The following PCDH9 variants were observed in gnomAD, a reference collection of about 807,000 sequenced individuals.
The protein encoded by PCDH9 is protocadherin-9.
Under a neutral mutation model 70.6 loss-of-function variants are expected in PCDH9, and 24 were observed. The observed-to-expected ratio is 0.34, with a 90% CI of 0.25 to 0.48. PCDH9 has a LOEUF of 0.48. Ranked by LOEUF, PCDH9 falls within the 20% of genes least tolerant of loss-of-function variation. The probability of loss-of-function intolerance (pLI) is 0.99; values close to 1 mark genes in which losing one functional copy is unlikely to be tolerated. For missense variants in PCDH9, 1,281 were observed against 1,503.6 expected (o/e 0.85, Z 2.45); for synonymous variants, 562 against 558.5 (o/e 1.01, Z -0.09).
At chr13:66,488,061 G>A (rs868239207) in intron 4 of PCDH9, among the ~76,000 whole-genome samples, 1 of 152,086 alleles carries the variant, frequency 6.6e-6, no homozygotes. Flanking sequence ...GTTTTCCCTG[G>A]CTTTGTTTTC....
chr13:66,447,985 TG>T (rs1235409555), intron 4 of PCDH9, among the ~76,000 whole-genome samples: 1 of 152,190 alleles, frequency 6.6e-6, no homozygotes, highest in Non-Finnish European at 1.5e-5. Flanking sequence ...TGAACCTCAC[TG>T]TTGTCATTTA....
intron 3 of PCDH9, among the ~76,000 whole-genome samples, chr13:66,656,787 T>C (rs2077936971): frequency 6.6e-6 from 1 of 152,224 alleles, no homozygotes; most frequent in Admixed American, 6.5e-5. Flanking sequence ...TGAAATTTTT[T>C]TATGATATGA....
At chr13:66,470,787 T>G (rs550923061) in intron 4 of PCDH9, among the ~76,000 whole-genome samples, 1 of 151,036 alleles carries the variant, frequency 6.6e-6, no homozygotes, top group African/African-American at 2.4e-5. Flanking sequence ...TGTAGACAAA[T>G]GACTGGGATC....
intron 4 of PCDH9, among the ~76,000 whole-genome samples, chr13:66,461,900 C>T (rs1404417079): frequency 6.6e-6 from 1 of 151,654 alleles, no homozygotes; most frequent in African/African-American, 2.4e-5. Flanking sequence ...ATGTTAATGT[C>T]AAAATACATA....
At position 66,903,501 on chromosome 13, in the gene PCDH9, T is replaced by C. The variant is rs2082310226; in HGVS notation, c.3138+3A>G. On this transcript the variant is annotated splice_donor_region_variant and intron_variant, in intron 3 of 4. Transcript: ENST00000377865. ...ACATGTTCTCTATAGATATATGGCA[T>C]ACCTCGTAATGGCTTTCTTCATTCT... is the stretch of plus-strand genomic sequence containing the variant. The C allele has an allele frequency of 2.3e-6, 3 of 1,321,458 alleles. No homozygotes were observed. Among genetic ancestry groups the C allele is most frequent in the Non-Finnish European group, 3.3e-6 (3 of 916,324 alleles). 81.9% of individuals were successfully genotyped at this position (1,321,458 alleles called of 1,614,324 possible).
intron 3 of PCDH9, among the ~76,000 whole-genome samples, chr13:66,765,010 C>A (rs1357095883): frequency 1.3e-5 from 2 of 151,644 alleles, no homozygotes; most frequent in East Asian, 3.9e-4. Flanking sequence ...GTCTCTCTCT[C>A]TGTCTCTTTC....
At chr13:66,959,806 T>C (rs569103306) in intron 2 of PCDH9, among the ~76,000 whole-genome samples, 1 of 151,662 alleles carries the variant, frequency 6.6e-6, no homozygotes, top group East Asian at 1.9e-4. Flanking sequence ...ACCTGATAAC[T>C]TGAACTAAGA....
chr13:67,183,974 C>T (rs528505038), intron 2 of PCDH9, among the ~76,000 whole-genome samples: 33 of 152,236 alleles, frequency 2.2e-4, no homozygotes, highest in South Asian at 4.1e-4. Context: ...ATTTGCAAAT[C>T]GTCCTATGAT....
Position 66,737,365 on chromosome 13 carries a change from T to A in PCDH9, c.3139-105954A>T, listed in dbSNP as rs2079167805. Among the ~76,000 whole-genome samples, 3 of 152,312 alleles carry A rather than the reference T, an allele frequency of 2.0e-5. No homozygotes were observed. The South Asian group carries it at 6.2e-4, about 32-fold the overall frequency. ...TGGTTCTTGAAACTTTCTTTCTCAATATCTCTTTCAGAACTTAATTAAAAG... is the reference window on the plus strand; with the variant it reads ...TGGTTCTTGAAACTTTCTTTCTCAAAATCTCTTTCAGAACTTAATTAAAAG... On this transcript the variant is annotated intron_variant, in intron 3 of 4. Coordinates refer to ENST00000377865, the MANE Select transcript of PCDH9 (RefSeq NM_203487.3).
chr13:67,097,995 T>C (rs1366149580), intron 2 of PCDH9, among the ~76,000 whole-genome samples: 1 of 152,178 alleles, frequency 6.6e-6, no homozygotes, highest in African/African-American at 2.4e-5. Flanking sequence ...CAAAGACCAT[T>C]CTTACAGATT....
intron 4 of PCDH9, among the ~76,000 whole-genome samples, chr13:66,459,141 T>C (rs531353953): frequency 3.3e-5 from 5 of 152,126 alleles, no homozygotes; most frequent in Admixed American, 3.3e-4. Context: ...ACTTCCAGGG[T>C]CCTGATGTTT....
At chr13:66,864,885 A>G (rs1223554509) in intron 3 of PCDH9, among the ~76,000 whole-genome samples, 3 of 152,262 alleles carry the variant, frequency 2.0e-5, no homozygotes, top group African/African-American at 7.2e-5. Context: ...GTTGAACAAA[A>G]GTACTAAGAA....
chr13:66,772,466 T>G (rs1363857366), intron 3 of PCDH9, among the ~76,000 whole-genome samples: 1 of 152,216 alleles, frequency 6.6e-6, no homozygotes, highest in African/African-American at 2.4e-5. Context: ...TGTAAGCAAA[T>G]GAAAGCTGTG....
chr13:66,972,099 A>G (rs370466909), intron 2 of PCDH9, among the ~76,000 whole-genome samples: 62 of 152,092 alleles, frequency 4.1e-4, no homozygotes, highest in African/African-American at 1.4e-3. Flanking sequence ...TACATATACT[A>G]TTGTACACTG....
chr13:66,757,848 T>C (rs1566174068), intron 3 of PCDH9, among the ~76,000 whole-genome samples: 1 of 152,046 alleles, frequency 6.6e-6, no homozygotes, highest in Admixed American at 6.6e-5. Context: ...AGCAAATGTA[T>C]AATAGAGCAA....
At chr13:66,934,233 G>A (rs1404046763) in intron 2 of PCDH9, among the ~76,000 whole-genome samples, 1 of 151,928 alleles carries the variant, frequency 6.6e-6, no homozygotes, top group Non-Finnish European at 1.5e-5. Context: ...TACCACCTAA[G>A]AAAAATGCAA....
chr13:66,682,263 T>G (rs540892433), intron 3 of PCDH9, among the ~76,000 whole-genome samples: 4 of 152,150 alleles, frequency 2.6e-5, no homozygotes, highest in Admixed American at 2.0e-4. Flanking sequence ...CCCATCGCCA[T>G]TATAACACAT....
At chr13:67,074,030 TTCTATCTATCTATCTA>T (rs35805308) in intron 2 of PCDH9, among the ~76,000 whole-genome samples, 14 of 148,920 alleles carry the variant, frequency 9.4e-5, no homozygotes, top group East Asian at 2.0e-4. Flanking sequence ...TGAGATGAAA[TTCTATCTATCTATCTA>T]TCTATCTATC....
intron 4 of PCDH9, 70 bp from the exon 5 acceptor site, chr13:66,305,098 G>A: frequency 7.5e-7 from 1 of 1,327,602 alleles, no homozygotes; most frequent in Non-Finnish European, 1.0e-6. Flanking sequence ...TTATCTTAGA[G>A]AAAAAGTATG....
Sources: allele counts gnomAD v4.1 joint callset (sites outside exome capture counted in the v4.1 genomes callset), GRCh38; gene constraint gnomAD v4.1.1; transcripts MANE v1.5; gene names NCBI Gene and HGNC (gene_info 2026-07-23, HGNC 2026-07-21).